The following RTN1 variants were observed in gnomAD, a reference collection of about 807,000 sequenced individuals.
RTN1 encodes reticulon-1.
Under a neutral mutation model 65.5 loss-of-function variants are expected in RTN1, and 25 were observed. The ratio of observed to expected loss-of-function variants is 0.38; its 90% CI spans 0.28 to 0.53. RTN1 has a LOEUF of 0.53. Among genes scored for constraint, RTN1 ranks in the 20% least tolerant of loss-of-function variants. RTN1 has a pLI of 0.79. For synonymous variants in RTN1, 471 were observed against 447.6 expected, an observed-to-expected ratio of 1.05 and a Z score of -0.66; for missense variants, 983 against 1,025.4, an observed-to-expected ratio of 0.96 and a Z score of 0.57.
chr14:59,728,249 C>CTTTTTTTTTTTTTTTTTTTTTTTTTTTTT lies in RTN1; in HGVS notation c.1016-582_1016-581insAAAAAAAAAAAAAAAAAAAAAAAAAAAAA, dbSNP rs200434592. Among the ~76,000 whole-genome samples the CTTTTTTTTTTTTTTTTTTTTTTTTTTTTT allele has an allele frequency of 4.8e-5, 6 of 124,200 alleles. 1 individual carries two copies. The highest frequency in any genetic ancestry group is 1.8e-4 in the African/African-American group (6 of 33,638). The allele number at this position is 124,200 out of a possible 152,430, so 81.5% of individuals were successfully genotyped here. Reference sequence around the variant, plus strand: ...TTATATTTCCAATAAGAATCAGTATCTTTTTTTTTTTTTTTTTTTTTTTTT... The same window carrying CTTTTTTTTTTTTTTTTTTTTTTTTTTTTT: ...TTATATTTCCAATAAGAATCAGTATCTTTTTTTTTTTTTTTTTTTTTTTTTTTTTTTTTTTTTTTTTTTTTTTTTTTTTT... On this transcript the variant is annotated intron_variant, in intron 2 of 8. Coordinates refer to ENST00000267484, the MANE Select transcript of RTN1 (RefSeq NM_021136.3).
rs912025291 is a variant in RTN1, at chr14:59,733,624, C to T, written c.1016-5956G>A. On this transcript the variant is annotated intron_variant, in intron 2 of 8. Coordinates refer to ENST00000267484, the MANE Select transcript of RTN1 (RefSeq NM_021136.3). ...GAGGTGGTTCCTCACCACAACACAGCTATTTTGTTGAGGCATGGCCAGACT... is the reference window on the plus strand; with the variant it reads ...GAGGTGGTTCCTCACCACAACACAGTTATTTTGTTGAGGCATGGCCAGACT... 5.3e-5 allele frequency among the ~76,000 whole-genome samples: 8 copies of T among 152,318 alleles called. 1 individual carries two copies. Among genetic ancestry groups the T allele is most frequent in the Non-Finnish European group, 1.5e-5 (1 of 68,034 alleles).
At chr14:59,764,990 A>G (rs1054420400) in intron 1 of RTN1, among the ~76,000 whole-genome samples, 3 of 152,174 alleles carry the variant, frequency 2.0e-5, no homozygotes, top group Admixed American at 6.6e-5. Flanking sequence ...TTTTGAGTAC[A>G]TGATTTTTTG....
chr14:59,662,862 A>G (rs997704192), intron 3 of RTN1, among the ~76,000 whole-genome samples: 26 of 152,328 alleles, frequency 1.7e-4, no homozygotes, highest in African/African-American at 6.3e-4. Flanking sequence ...TATGGATTCA[A>G]TGCTATCCTC....
intron 6 of RTN1, among the ~76,000 whole-genome samples, chr14:59,603,473 C>A (rs1881644440): frequency 1.3e-5 from 2 of 148,344 alleles, no homozygotes; most frequent in South Asian, 4.4e-4. Context: ...GATGCTGAGC[C>A]CTGTACAGGT....
intron 1 of RTN1, among the ~76,000 whole-genome samples, chr14:59,805,955 T>C (rs972145274): frequency 7.2e-5 from 11 of 152,146 alleles, no homozygotes; most frequent in Non-Finnish European, 1.3e-4. Flanking sequence ...AATAATTATA[T>C]GGCTGGGCAC....
chr14:59,746,509 G>C (rs1885230175), intron 1 of RTN1, 28 bp from the exon 2 acceptor site: 8 of 1,536,902 alleles, frequency 5.2e-6, no homozygotes, highest in Non-Finnish European at 7.0e-6. Context: ...AGCAGACAGT[G>C]AGTGGGTGCT....
At chr14:59,639,080 C>T (rs1031266606) in intron 3 of RTN1, among the ~76,000 whole-genome samples, 12 of 152,280 alleles carry the variant, frequency 7.9e-5, no homozygotes, top group African/African-American at 2.9e-4. Context: ...AACCGAAATA[C>T]TGCAGTGTCT....
intron 3 of RTN1, among the ~76,000 whole-genome samples, chr14:59,649,703 CCATCTCATG>C (rs1882982671): frequency 6.6e-6 from 1 of 152,116 alleles, no homozygotes; most frequent in Non-Finnish European, 1.5e-5. Context: ...CAGTGAGATA[CCATCTCATG>C]CCAGTGAGAA....
At chr14:59,751,753 C>G (rs937447599) in intron 1 of RTN1, among the ~76,000 whole-genome samples, 5 of 152,186 alleles carry the variant, frequency 3.3e-5, no homozygotes, top group Admixed American at 2.0e-4. Context: ...AGTTGCATAT[C>G]CCTCTAGACC....
chr14:59,695,151 G>A (rs939226879), intron 3 of RTN1, among the ~76,000 whole-genome samples: 2 of 152,184 alleles, frequency 1.3e-5, no homozygotes, highest in Admixed American at 6.5e-5. Context: ...GTGATGGGGT[G>A]AGGGTGGTAG....
In RTN1 at chr14:59,774,615, C is replaced by T. The variant is rs1187034680; in HGVS notation, c.242-28134G>A. On this transcript the variant is annotated intron_variant, in intron 1 of 8. Transcript: ENST00000267484. The surrounding 1 kb of genome is among the most constrained non-coding windows in gnomAD (Gnocchi z 5.1). Reference sequence around the variant, plus strand: ...AGCCTTAAATAAAAACACATGAAACCAATGAAATGTAAGTAATTTTCATTT... The same window carrying T: ...AGCCTTAAATAAAAACACATGAAACTAATGAAATGTAAGTAATTTTCATTT... Among the ~76,000 whole-genome samples the T allele has an allele frequency of 6.6e-6, 1 of 152,074 alleles. No individual in the cohort carries two copies. Among genetic ancestry groups the T allele is most frequent in the African/African-American group, 2.4e-5 (1 of 41,402 alleles).
intron 1 of RTN1, among the ~76,000 whole-genome samples, chr14:59,856,870 T>C (rs1232201277): frequency 6.6e-6 from 1 of 152,224 alleles, no homozygotes; most frequent in Non-Finnish European, 1.5e-5. Context: ...ATGCATCTTC[T>C]TGTGTTATCC....
intron 3 of RTN1, among the ~76,000 whole-genome samples, chr14:59,634,437 A>C (rs980044896): frequency 1.3e-5 from 2 of 152,226 alleles, no homozygotes; most frequent in African/African-American, 4.8e-5. Context: ...CACATAACCC[A>C]CTGTAGCAGA....
intron 3 of RTN1, among the ~76,000 whole-genome samples, chr14:59,638,862 A>T (rs1882719596): frequency 6.6e-6 from 1 of 152,232 alleles, no homozygotes; most frequent in Non-Finnish European, 1.5e-5. Context: ...GTGTTCACTG[A>T]AATAGTACTT....
chr14:59,764,531 AG>A (rs1885812515), intron 1 of RTN1, among the ~76,000 whole-genome samples: 1 of 152,158 alleles, frequency 6.6e-6, no homozygotes, highest in South Asian at 2.1e-4. Flanking sequence ...TATGTTGGCC[AG>A]GGTGGTCTCG....
chr14:59,700,893 A>G (rs922571771), intron 3 of RTN1, among the ~76,000 whole-genome samples: 5 of 152,146 alleles, frequency 3.3e-5, no homozygotes, highest in Non-Finnish European at 7.4e-5. Context: ...AAAAACTTTT[A>G]TTTATCAAAG....
intron 3 of RTN1, among the ~76,000 whole-genome samples, chr14:59,694,901 CAA>C (rs1458011491): frequency 2.6e-5 from 4 of 152,180 alleles, no homozygotes; most frequent in South Asian, 4.1e-4. Context: ...GGAAACCCTT[CAA>C]GAGAGAGTGG....
chr14:59,597,168 T>C (rs1448014122), intron 8 of RTN1, among the ~76,000 whole-genome samples: 2 of 152,120 alleles, frequency 1.3e-5, no homozygotes, highest in Non-Finnish European at 2.9e-5. Flanking sequence ...AAGATGAGCA[T>C]AAGTAGGGAT....
chr14:59,718,436 A>G (rs933141916), intron 3 of RTN1, among the ~76,000 whole-genome samples: 3 of 152,160 alleles, frequency 2.0e-5, no homozygotes, highest in African/African-American at 7.2e-5. Context: ...TGTTCTTTAG[A>G]CTTTCTGAAG....
Sources: allele counts gnomAD v4.1 joint callset (sites outside exome capture counted in the v4.1 genomes callset), GRCh38; gene constraint gnomAD v4.1.1; non-coding constraint Gnocchi (gnomAD v3.1); transcripts MANE v1.5; gene names NCBI Gene and HGNC (gene_info 2026-07-23, HGNC 2026-07-21).